Variants in MACROH2A1 observed in about 807,000 individuals in gnomAD.
MACROH2A1 encodes macroH2A.1 histone, also known as core histone macro-H2A.1.
MACROH2A1 carries 2 observed loss-of-function variants against 31.6 expected under a neutral mutation model. The ratio of observed to expected loss-of-function variants is 0.06; its 90% CI spans 0.03 to 0.20. MACROH2A1 has a LOEUF of 0.20. Among genes scored for constraint, MACROH2A1 ranks in the 10% least tolerant of loss-of-function variants. The pLI is 1.00. For missense variants in MACROH2A1, 230 were observed against 474.0 expected (o/e 0.49, Z 4.78); for synonymous variants, 169 against 189.6 (o/e 0.89, Z 0.89).
Position 135,343,078 on chromosome 5 carries a change from GTCTC to G in MACROH2A1, c.953+178_953+181del, listed in dbSNP as rs958287120. The G allele has an allele frequency of 3.0e-5, 42 of 1,414,618 alleles. No individual in the cohort carries two copies. In the Admixed American group the frequency reaches 7.6e-4, roughly 26 times the overall value. 87.6% of individuals were successfully genotyped at this position (1,414,618 alleles called of 1,614,324 possible). A position where few individuals can be genotyped will look rare whatever the true frequency, so the allele number is the denominator to read the frequency against. ...GTTTTATATCATCCTTGGGATTTGG[GTCTC>G]TCTAATTGTCCCTCACCATCATTTA... On this transcript the variant is annotated intron_variant, in intron 8 of 8. Transcript: ENST00000511689.
rs1201167276 is a variant in MACROH2A1 at position 135,398,406 on chromosome 5, C to G, written c.-34+656G>C. On this transcript the variant is annotated intron_variant, in intron 1 of 8. Coordinates refer to ENST00000511689, the MANE Select transcript of MACROH2A1 (RefSeq NM_138610.3). This position sits in a 1 kb window ranked among gnomAD's most constrained non-coding sequence, Gnocchi z 4.6. Reference sequence around the variant, plus strand: ...CCACAAAGCAAACAAAAGGCTGATACCGAGACAATCGGGAGCAGCGGGGGT... The same window carrying G: ...CCACAAAGCAAACAAAAGGCTGATAGCGAGACAATCGGGAGCAGCGGGGGT... Among the ~76,000 whole-genome samples the G allele has an allele frequency of 3.3e-5, 5 of 152,364 alleles. No individual in the cohort carries two copies. The East Asian group carries it at 9.7e-4, about 29-fold the overall frequency.
chr5:135,360,831 A>G (rs1304903158), intron 4 of MACROH2A1: 1 of 677,536 alleles, frequency 1.5e-6, no homozygotes, highest in Non-Finnish European at 2.7e-6. Context: ...CGTAAAAAAA[A>G]ACCAGCCACT....
At chr5:135,348,747 G>A (rs886117359) in intron 6 of MACROH2A1, among the ~76,000 whole-genome samples, 1 of 152,226 alleles carries the variant, frequency 6.6e-6, no homozygotes, top group African/African-American at 2.4e-5. Context: ...GGAAGACTGG[G>A]TTCTGACCTG....
At chr5:135,388,768 G>A in intron 2 of MACROH2A1, 154 bp downstream of exon 2, 1 of 571,200 alleles carries the variant, frequency 1.8e-6, no homozygotes, top group East Asian at 2.9e-5. Context: ...AACAACTAGA[G>A]AATCTAGGTG....
intron 8 of MACROH2A1, among the ~76,000 whole-genome samples, chr5:135,342,583 TA>T (rs1760078630): frequency 6.6e-6 from 1 of 152,222 alleles, no homozygotes; most frequent in Admixed American, 6.5e-5. Flanking sequence ...GTGTATGTCT[TA>T]GGGGCAACTG....
chr5:135,363,739 G>T (rs1350488999), intron 4 of MACROH2A1, among the ~76,000 whole-genome samples: 2 of 152,186 alleles, frequency 1.3e-5, no homozygotes, highest in Non-Finnish European at 2.9e-5. Context: ...CTAGATCCTT[G>T]AGGAATCGCC....
chr5:135,377,816 C>A (rs1200335449), intron 2 of MACROH2A1, among the ~76,000 whole-genome samples: 1 of 152,204 alleles, frequency 6.6e-6, no homozygotes, highest in Non-Finnish European at 1.5e-5. Context: ...AGCCCCCTTA[C>A]CCTCAGACAC....
intron 8 of MACROH2A1, among the ~76,000 whole-genome samples, chr5:135,341,825 G>A (rs1472738609): frequency 6.6e-6 from 1 of 152,252 alleles, no homozygotes; most frequent in Non-Finnish European, 1.5e-5. Flanking sequence ...ATGGTTCTGA[G>A]GACTGTTGCT....
intron 1 of MACROH2A1, among the ~76,000 whole-genome samples, chr5:135,389,694 G>C (rs892254339): frequency 6.6e-6 from 1 of 152,210 alleles, no homozygotes; most frequent in African/African-American, 2.4e-5. Flanking sequence ...AGAGAAGAGA[G>C]AGAGAGGTGT....
In MACROH2A1 at chr5:135,335,154, A is replaced by AGAT. The variant is rs1318452711; in HGVS notation, c.954-16_954-14dup. 16 of 1,611,622 alleles carry AGAT rather than the reference A, an allele frequency of 9.9e-6. No individual in the cohort carries two copies. The highest frequency in any genetic ancestry group is 2.7e-5 in the African/African-American group (2 of 74,896). On this transcript the variant is annotated splice_polypyrimidine_tract_variant and intron_variant, in intron 8 of 8. Transcript: ENST00000511689. ...TGGAAAACCGTTCCTGGAGAAGAGA[A>AGAT]GATAAGCACTCAGCAACTGGGATGC...
chr5:135,399,328 C>T (rs1298575754), upstream of MACROH2A1: 1 of 152,084 alleles, frequency 6.6e-6, no homozygotes, highest in Non-Finnish European at 1.5e-5. This position sits in a 1 kb window ranked among gnomAD's most constrained non-coding sequence, Gnocchi z 4.5. Context: ...CCGTGCCGCC[C>T]GGCGCCCCGG....
chr5:135,379,755 A>G (rs1009500658), intron 2 of MACROH2A1, among the ~76,000 whole-genome samples: 2 of 152,190 alleles, frequency 1.3e-5, no homozygotes, highest in African/African-American at 4.8e-5. Flanking sequence ...CAAAGTGTTA[A>G]TAGCTCTTTT....
chr5:135,374,792 T>A (rs2149873573), intron 2 of MACROH2A1, among the ~76,000 whole-genome samples: 2 of 152,302 alleles, frequency 1.3e-5, no homozygotes, highest in Middle Eastern at 6.8e-3. Flanking sequence ...CCTTGGATTC[T>A]CTCTTGAAGG....
intron 5 of MACROH2A1, chr5:135,360,182 T>C (rs1423853340): frequency 5.6e-6 from 2 of 357,194 alleles, no homozygotes; most frequent in Non-Finnish European, 1.0e-5. Flanking sequence ...GCTGGTGCTA[T>C]CTGATGACCA....
intron 1 of MACROH2A1, among the ~76,000 whole-genome samples, chr5:135,393,763 T>C (rs951976392): frequency 2.0e-5 from 3 of 152,246 alleles, no homozygotes; most frequent in African/African-American, 7.2e-5. Flanking sequence ...TTGGCTGTTA[T>C]TGGCCTAGAA....
chr5:135,373,330 G>C (rs1265285541), intron 2 of MACROH2A1, among the ~76,000 whole-genome samples: 2 of 152,124 alleles, frequency 1.3e-5, no homozygotes, highest in Non-Finnish European at 2.9e-5. Flanking sequence ...CCCTGACTTG[G>C]GTGAGGGCAG....
intron 6 of MACROH2A1, chr5:135,347,628 A>C (rs981091416): frequency 6.6e-6 from 1 of 152,258 alleles, no homozygotes; most frequent in African/African-American, 2.4e-5. Context: ...GCACTGGAGG[A>C]AGCAGGCCGG....
intron 7 of MACROH2A1, 46 bp downstream of exon 7, chr5:135,345,922 C>T: frequency 7.9e-7 from 1 of 1,271,924 alleles, no homozygotes; most frequent in Non-Finnish European, 1.2e-6. Flanking sequence ...TTTCCTAATA[C>T]TGCATGTGTC....
intron 4 of MACROH2A1, among the ~76,000 whole-genome samples, chr5:135,364,282 C>G (rs1310041467): frequency 1.3e-5 from 2 of 151,350 alleles, no homozygotes; most frequent in Non-Finnish European, 2.9e-5. Context: ...GGAGAAATAC[C>G]TAATGTAAAT....
Sources: allele counts gnomAD v4.1 joint callset (sites outside exome capture counted in the v4.1 genomes callset), GRCh38; gene constraint gnomAD v4.1.1; non-coding constraint Gnocchi (gnomAD v3.1); transcripts MANE v1.5; gene names NCBI Gene and HGNC (gene_info 2026-07-23, HGNC 2026-07-21).